ANKRD46: variants seen among roughly 807,000 people sequenced by gnomAD.
ANKRD46 encodes ankyrin repeat domain-containing protein 46.
A neutral mutation model predicts 19.8 loss-of-function variants in ANKRD46; 13 were observed. The observed-to-expected ratio is 0.66, with a 90% CI of 0.43 to 1.04. ANKRD46 has a LOEUF of 1.04. Ranked by LOEUF, ANKRD46 falls within the 50% of genes least tolerant of loss-of-function variation. The pLI, the probability that ANKRD46 is intolerant of heterozygous loss-of-function variation, is 0.00. For missense variants in ANKRD46, 185 were observed against 274.8 expected (o/e 0.67, Z 2.31); for synonymous variants, 91 against 106.9 (o/e 0.85, Z 0.92).
At position 100,522,314 on chromosome 8, in the gene ANKRD46, T is replaced by G; in HGVS notation, c.*241A>C. 7.5e-7 allele frequency: 1 copy of G among 1,338,924 alleles called. No homozygotes were observed. The allele number at this position is 1,338,924 out of a possible 1,614,324, so 82.9% of individuals were successfully genotyped here. A position where few individuals can be genotyped will look rare whatever the true frequency, so the allele number is the denominator to read the frequency against. On this transcript the variant is annotated 3_prime_UTR_variant, in exon 5 of 5. Coordinates refer to ENST00000335659, the MANE Select transcript of ANKRD46 (RefSeq NM_001270377.2). ...TGTTTTTATCAAACAAGGCTACGTG[T>G]AGGCTTTCCTACAAAGTCAGGTTGA...
In ANKRD46 at chr8:100,536,030, C is replaced by T. The variant is rs769311707; in HGVS notation, c.-130-2719G>A. Among the ~76,000 whole-genome samples, 23 of 151,856 alleles carry T rather than the reference C, an allele frequency of 1.5e-4. No homozygotes were observed. Among genetic ancestry groups the T allele is most frequent in the Admixed American group, 9.2e-4 (14 of 15,244 alleles). On this transcript the variant is annotated intron_variant, in intron 1 of 4. Coordinates refer to ENST00000335659, the MANE Select transcript of ANKRD46 (RefSeq NM_001270377.2). This position sits in a 1 kb window ranked among gnomAD's most constrained non-coding sequence, Gnocchi z 4.9. ...AGGTCATCTTTGGAGTCATGTGTCT[C>T]GGTGTCAGGTTATTTATGGAAGAAC...
In ANKRD46 at chr8:100,537,034, G is replaced by C. The variant is rs1433410679; in HGVS notation, c.-130-3723C>G. 6.6e-6 allele frequency among the ~76,000 whole-genome samples: 1 copy of C among 152,202 alleles called. No homozygotes were observed. Among genetic ancestry groups the C allele is most frequent in the Non-Finnish European group, 1.5e-5 (1 of 68,044 alleles). ...CAACAATAAAAAGGTTTTGATGGAA[G>C]CTTGTGATTCACTGACTTGATGAAA... On this transcript the variant is annotated intron_variant, in intron 1 of 4. Coordinates refer to ENST00000335659, the MANE Select transcript of ANKRD46 (RefSeq NM_001270377.2). This position sits in a 1 kb window ranked among gnomAD's most constrained non-coding sequence, Gnocchi z 4.2.
rs1272451911 is a variant in ANKRD46 at position 100,522,296 on chromosome 8, A to G, written c.*259T>C. 1 of 1,266,348 alleles carries G rather than the reference A, an allele frequency of 7.9e-7. No homozygotes were observed. The highest frequency in any genetic ancestry group is 1.0e-6 in the Non-Finnish European group (1 of 1,001,938). 78.4% of individuals were successfully genotyped at this position (1,266,348 alleles called of 1,614,324 possible). Reference sequence around the variant, plus strand: ...ATTCTCTAGTCACTTCCGTGTTTTTATCAAACAAGGCTACGTGTAGGCTTT... The same window carrying G: ...ATTCTCTAGTCACTTCCGTGTTTTTGTCAAACAAGGCTACGTGTAGGCTTT... On this transcript the variant is annotated 3_prime_UTR_variant, in exon 5 of 5. Coordinates refer to ENST00000335659, the MANE Select transcript of ANKRD46 (RefSeq NM_001270377.2).
At chr8:100,535,461 G>T (rs1220616386) in intron 1 of ANKRD46, among the ~76,000 whole-genome samples, 1 of 152,100 alleles carries the variant, frequency 6.6e-6, no homozygotes, top group Non-Finnish European at 1.5e-5. Context: ...TCACAACCAG[G>T]ATACTGACAT....
chr8:100,526,172 A>C (rs1403046252), intron 4 of ANKRD46, among the ~76,000 whole-genome samples: 9 of 152,242 alleles, frequency 5.9e-5, no homozygotes, highest in Non-Finnish European at 1.0e-4. Context: ...AGGTATGTGA[A>C]GGAAGCAGGA....
intron 1 of ANKRD46, among the ~76,000 whole-genome samples, chr8:100,541,402 C>T (rs931089948): frequency 9.2e-5 from 14 of 152,170 alleles, no homozygotes; most frequent in Non-Finnish European, 1.5e-4. Flanking sequence ...AGATTGTATC[C>T]TTAGAAGAAG....
At chr8:100,538,335 A>T (rs373859931) in intron 1 of ANKRD46, among the ~76,000 whole-genome samples, 7 of 152,222 alleles carry the variant, frequency 4.6e-5, no homozygotes, top group African/African-American at 1.7e-4. Flanking sequence ...AAAAAATTGC[A>T]TCTATACTGA....
intron 1 of ANKRD46, among the ~76,000 whole-genome samples, chr8:100,541,237 TTTATATAAAGTGCTAC>T (rs1311918668): frequency 6.6e-6 from 1 of 152,022 alleles, no homozygotes; most frequent in African/African-American, 2.4e-5. Context: ...CTTAGCAGAC[TTTATATAAAGTGCTAC>T]TTAAATGGCA....
chr8:100,543,586 T>C lies in ANKRD46; in HGVS notation c.-130-10275A>G, dbSNP rs1401516986. 6.6e-6 allele frequency among the ~76,000 whole-genome samples: 1 copy of C among 152,212 alleles called. No homozygotes were observed. Among genetic ancestry groups the C allele is most frequent in the Non-Finnish European group, 1.5e-5 (1 of 68,034 alleles). The stretch of plus-strand genomic sequence containing the variant: ...TCTTTAAAATGCTGTCAGAAGATAA[T>C]GGCTTCACAGTCTTCAAACAATAGG... On this transcript the variant is annotated intron_variant, in intron 1 of 4. Coordinates refer to ENST00000335659, the MANE Select transcript of ANKRD46 (RefSeq NM_001270377.2). This position sits in a 1 kb window ranked among gnomAD's most constrained non-coding sequence, Gnocchi z 4.2.
intron 1 of ANKRD46, among the ~76,000 whole-genome samples, chr8:100,554,222 G>A (rs1170216582): frequency 6.6e-6 from 1 of 152,156 alleles, no homozygotes; most frequent in Non-Finnish European, 1.5e-5. Context: ...TGGCAAGTCA[G>A]ACGTTAAATT....
chr8:100,551,264 G>A (rs922819656), intron 1 of ANKRD46: 3 of 489,104 alleles, frequency 6.1e-6, no homozygotes, highest in Admixed American at 2.7e-5. Flanking sequence ...TGGTGGTACA[G>A]AAGGCATTGC....
chr8:100,524,331 C>T lies in ANKRD46; in HGVS notation c.471-1560G>A, dbSNP rs1393047229. Among the ~76,000 whole-genome samples, 1 of 152,202 alleles carries T rather than the reference C, an allele frequency of 6.6e-6. No homozygotes were observed. Among genetic ancestry groups the T allele is most frequent in the Non-Finnish European group, 1.5e-5 (1 of 68,032 alleles). ...CCCATAAAACAGTATCTTAGAGTCT[C>T]ATTCATTATGAACTATGAATAAACA... On this transcript the variant is annotated intron_variant, in intron 4 of 4. Coordinates refer to ENST00000335659, the MANE Select transcript of ANKRD46 (RefSeq NM_001270377.2). The surrounding 1 kb of genome is among the most constrained non-coding windows in gnomAD (Gnocchi z 4.3).
intron 1 of ANKRD46, among the ~76,000 whole-genome samples, chr8:100,539,203 G>A (rs2130679816): frequency 6.6e-6 from 1 of 152,254 alleles, no homozygotes; most frequent in African/African-American, 2.4e-5. Context: ...CTATTTTTTG[G>A]AAAATTGTAT....
rs1586783722 is a variant in ANKRD46 at position 100,527,282 on chromosome 8, A to G, written c.470+563T>C. ...TCACTTTCACATTACTGAACTGTGC[A>G]TGTGTTAAATACTATCTTGCTTTCC... On this transcript the variant is annotated intron_variant, in intron 4 of 4. Coordinates refer to ENST00000335659, the MANE Select transcript of ANKRD46 (RefSeq NM_001270377.2). This position sits in a 1 kb window ranked among gnomAD's most constrained non-coding sequence, Gnocchi z 4.0. Among the ~76,000 whole-genome samples the G allele has an allele frequency of 6.6e-6, 1 of 152,204 alleles. No individual in the cohort carries two copies. Among genetic ancestry groups the G allele is most frequent in the Non-Finnish European group, 1.5e-5 (1 of 68,034 alleles).
At chr8:100,548,561 G>C (rs1446351818) in intron 1 of ANKRD46, among the ~76,000 whole-genome samples, 1 of 152,174 alleles carries the variant, frequency 6.6e-6, no homozygotes, top group Non-Finnish European at 1.5e-5. Flanking sequence ...TTGAGGGCAT[G>C]AGTTGTCTTG....
At chr8:100,551,538 C>G in intron 1 of ANKRD46, 1 of 809,820 alleles carries the variant, frequency 1.2e-6, no homozygotes, top group African/African-American at 1.7e-5. Context: ...TCAGCCTTGA[C>G]GGTGTGGTGG....
intron 1 of ANKRD46, among the ~76,000 whole-genome samples, chr8:100,553,082 G>T (rs898811519): frequency 6.6e-6 from 1 of 152,248 alleles, no homozygotes; most frequent in East Asian, 1.9e-4. Context: ...GAAATCTCAT[G>T]TTCAGCACAG....
In ANKRD46 at chr8:100,544,662, A is replaced by G. The variant is rs1812237096; in HGVS notation, c.-130-11351T>C. ...CATTTTCTAAGGCACTATCTTGAGTAGTCCAACTCTAAGAGTCCCAGTTTC... is the reference window on the plus strand; with the variant it reads ...CATTTTCTAAGGCACTATCTTGAGTGGTCCAACTCTAAGAGTCCCAGTTTC... On this transcript the variant is annotated intron_variant, in intron 1 of 4. Coordinates refer to ENST00000335659, the MANE Select transcript of ANKRD46 (RefSeq NM_001270377.2). The surrounding 1 kb of genome is among the most constrained non-coding windows in gnomAD (Gnocchi z 4.4). Among the ~76,000 whole-genome samples, 1 of 152,216 alleles carries G rather than the reference A, an allele frequency of 6.6e-6. No homozygotes were observed. The highest frequency in any genetic ancestry group is 6.5e-5 in the Admixed American group (1 of 15,284).
intron 1 of ANKRD46, among the ~76,000 whole-genome samples, chr8:100,553,702 T>C (rs899206602): frequency 2.6e-5 from 4 of 152,084 alleles, no homozygotes; most frequent in South Asian, 2.1e-4. Context: ...TGAGCTGAGG[T>C]TGCACCACTG....
Sources: gnomAD v4.1 joint callset for allele counts (sites outside exome capture counted in the v4.1 genomes callset) on GRCh38, gnomAD v4.1.1 for gene constraint, Gnocchi (gnomAD v3.1) non-coding constraint, MANE v1.5 for transcripts, NCBI Gene and HGNC (gene_info 2026-07-23, HGNC 2026-07-21) for gene names.